The following MSTO1 variants were observed in gnomAD, a reference collection of about 807,000 sequenced individuals.
MSTO1 encodes protein misato homolog 1.
MSTO1 carries 24 observed loss-of-function variants against 55.7 expected under a neutral mutation model. The observed-to-expected ratio is 0.43, with a 90% CI of 0.31 to 0.61. The LOEUF is 0.61. Ranked by LOEUF, MSTO1 falls within the 20% of genes least tolerant of loss-of-function variation. The pLI is 0.09. For missense variants in MSTO1, 363 were observed against 625.7 expected, an observed-to-expected ratio of 0.58 and a Z score of 4.48; for synonymous variants, 162 against 252.8, an observed-to-expected ratio of 0.64 and a Z score of 3.41.
At chr1:155,584,026 A>G in the MSTO1 span, among the ~76,000 whole-genome samples, 1 of 152,190 alleles carries the variant, frequency 6.6e-6, no homozygotes, top group Non-Finnish European at 1.5e-5. Context: ...GTGTGGAAGC[A>G]TGTCATATGC....
upstream of MSTO1, chr1:155,610,115 T>C: frequency 2.4e-6 from 2 of 840,514 alleles, no homozygotes; most frequent in Non-Finnish European, 3.7e-6. Flanking sequence ...GCATCGTTTC[T>C]CCAATGGGAA....
the MSTO1 span, among the ~76,000 whole-genome samples, chr1:155,577,236 C>G: frequency 4.6e-5 from 7 of 151,244 alleles, no homozygotes; most frequent in Non-Finnish European, 4.4e-5. Flanking sequence ...CTACAGGCGC[C>G]TGCCACCACG....
the MSTO1 span, among the ~76,000 whole-genome samples, chr1:155,573,981 G>A: frequency 6.6e-6 from 1 of 152,082 alleles, no homozygotes; most frequent in African/African-American, 2.4e-5. Context: ...AATTTTTAAA[G>A]GGTGGGTAAT....
chr1:155,575,282 T>C, the MSTO1 span, among the ~76,000 whole-genome samples: 4 of 152,220 alleles, frequency 2.6e-5, no homozygotes, highest in East Asian at 5.8e-4. Flanking sequence ...CATTGTCAGT[T>C]CTTTTGATTT....
chr1:155,581,774 C>T, the MSTO1 span, among the ~76,000 whole-genome samples: 1 of 151,266 alleles, frequency 6.6e-6, no homozygotes, highest in Non-Finnish European at 1.5e-5. Flanking sequence ...AGATAATTAT[C>T]ATTCATCTTT....
At chr1:155,611,320 C>G (rs1673926230) in intron 4 of MSTO1, 29 bp downstream of exon 4, 2 of 1,613,870 alleles carry the variant, frequency 1.2e-6, no homozygotes, top group African/African-American at 1.3e-5. Flanking sequence ...AACTTTTTAA[C>G]CCGGTGCCAC....
the MSTO1 span, among the ~76,000 whole-genome samples, chr1:155,566,827 C>G: frequency 6.6e-6 from 1 of 151,876 alleles, no homozygotes; most frequent in South Asian, 2.1e-4. Context: ...GTTTGTCAGG[C>G]TGCTCTTGAA....
the MSTO1 span, among the ~76,000 whole-genome samples, chr1:155,596,449 T>C: frequency 6.6e-6 from 1 of 152,132 alleles, no homozygotes; most frequent in East Asian, 1.9e-4. Context: ...CACCTTTATA[T>C]ACATACTGGG....
At chr1:155,583,529 C>G in the MSTO1 span, among the ~76,000 whole-genome samples, 1 of 152,004 alleles carries the variant, frequency 6.6e-6, no homozygotes, top group Non-Finnish European at 1.5e-5. Context: ...GACTGAGACC[C>G]GATCTCACAA....
chr1:155,579,218 C>T, the MSTO1 span, among the ~76,000 whole-genome samples: 2 of 151,912 alleles, frequency 1.3e-5, no homozygotes, highest in African/African-American at 2.4e-5. Flanking sequence ...GAGGCCGAGG[C>T]GGGAGAATCG....
chr1:155,563,509 G>A, the MSTO1 span: 1 of 456,450 alleles, frequency 2.2e-6, no homozygotes, highest in Non-Finnish European at 4.4e-6. Context: ...GCTTTTTGTT[G>A]TTGTTAACCC....
chr1:155,594,354 TC>T, the MSTO1 span, among the ~76,000 whole-genome samples: 1 of 152,004 alleles, frequency 6.6e-6, no homozygotes, highest in African/African-American at 2.4e-5. Flanking sequence ...TGAGCAGAGA[TC>T]ATGCCACTGT....
chr1:155,569,229 G>A, the MSTO1 span, among the ~76,000 whole-genome samples: 2 of 150,754 alleles, frequency 1.3e-5, no homozygotes, highest in Non-Finnish European at 3.0e-5. Context: ...TCCACCTCCC[G>A]GGTTGAAGCC....
the MSTO1 span, among the ~76,000 whole-genome samples, chr1:155,573,124 T>C: frequency 1.8e-4 from 27 of 152,320 alleles, no homozygotes; most frequent in East Asian, 3.9e-3. Context: ...TGAAGTTCCC[T>C]TAACCATGGA....
At chr1:155,612,610 A>T in intron 9 of MSTO1, 40 bp downstream of exon 9, 1 of 1,574,616 alleles carries the variant, frequency 6.4e-7, no homozygotes, top group African/African-American at 1.4e-5. Context: ...GGCAGGCTAC[A>T]GGGCCTCCTC....
chr1:155,596,396 T>C, the MSTO1 span, among the ~76,000 whole-genome samples: 5 of 152,220 alleles, frequency 3.3e-5, no homozygotes, highest in African/African-American at 1.2e-4. Context: ...TACCCCTACA[T>C]CTACGGTTTA....
chr1:155,572,477 G>C, the MSTO1 span, among the ~76,000 whole-genome samples: 21 of 152,054 alleles, frequency 1.4e-4, no homozygotes, highest in African/African-American at 4.8e-4. Context: ...CACTTTGAGA[G>C]GACAGGCTGG....
chr1:155,585,927 T>C, the MSTO1 span, among the ~76,000 whole-genome samples: 2 of 152,052 alleles, frequency 1.3e-5, no homozygotes, highest in Non-Finnish European at 2.9e-5. Context: ...TGAAGTTTTT[T>C]GGTTTTTTAT....
the MSTO1 span, chr1:155,586,716 T>C: frequency 1.2e-5 from 6 of 502,242 alleles, no homozygotes; most frequent in Non-Finnish European, 2.0e-5. Flanking sequence ...GAGTCTGGAC[T>C]GACGGCTGAT....
Sources: allele counts gnomAD v4.1 joint callset (sites outside exome capture counted in the v4.1 genomes callset), GRCh38; gene constraint gnomAD v4.1.1; transcripts MANE v1.5; gene names NCBI Gene and HGNC (gene_info 2026-07-23, HGNC 2026-07-21).